The following FLI1 variants were observed in gnomAD, a reference collection of about 807,000 sequenced individuals.
FLI1 encodes Friend leukemia integration 1 transcription factor.
A neutral mutation model predicts 53.1 loss-of-function variants in FLI1; 13 were observed. The observed-to-expected ratio is 0.24, with a 90% CI of 0.16 to 0.39. FLI1 has a LOEUF of 0.39. Ranked by LOEUF, FLI1 falls within the 10% of genes least tolerant of loss-of-function variation. The pLI, the probability that FLI1 is intolerant of heterozygous loss-of-function variation, is 1.00. For synonymous variants in FLI1, 244 were observed against 236.7 expected (o/e 1.03, Z -0.28); for missense variants, 424 against 600.5 (o/e 0.71, Z 3.07).
chr11:128,809,096 T>G (rs2135922250), intron 7 of FLI1, 61 bp from the exon 8 acceptor site: 1 of 1,330,442 alleles, frequency 7.5e-7, no homozygotes, highest in African/African-American at 1.5e-5. Flanking sequence ...TTTCTTATGG[T>G]TGGTACGGTT....
At chr11:128,709,982 A>C (rs758871898) in intron 1 of FLI1, among the ~76,000 whole-genome samples, 7 of 152,250 alleles carry the variant, frequency 4.6e-5, no homozygotes, top group Non-Finnish European at 1.5e-5. Flanking sequence ...GAGTGAAGGG[A>C]CAACAGAACA....
chr11:128,748,034 AT>A (rs1940477914), intron 1 of FLI1, among the ~76,000 whole-genome samples: 1 of 152,162 alleles, frequency 6.6e-6, no homozygotes, highest in Non-Finnish European at 1.5e-5. Flanking sequence ...GCAAAGGTAA[AT>A]ACCACGGGAG....
chr11:128,755,440 A>G (rs1194904262), intron 1 of FLI1, among the ~76,000 whole-genome samples: 1 of 152,228 alleles, frequency 6.6e-6, no homozygotes, highest in Non-Finnish European at 1.5e-5. Flanking sequence ...TATCACCAAA[A>G]GACACTTAGG....
At chr11:128,754,908 C>T (rs1461572491) in intron 1 of FLI1, among the ~76,000 whole-genome samples, 1 of 152,238 alleles carries the variant, frequency 6.6e-6, no homozygotes, top group East Asian at 1.9e-4. Flanking sequence ...GAACTACATT[C>T]TTAAGGAAAC....
intron 1 of FLI1, among the ~76,000 whole-genome samples, chr11:128,702,955 T>C (rs981981492): frequency 2.0e-5 from 3 of 150,252 alleles, no homozygotes; most frequent in African/African-American, 7.3e-5. Flanking sequence ...ACATAAAGCA[T>C]AAATGTCCTA....
chr11:128,727,395 A>G (rs993875716), intron 1 of FLI1, among the ~76,000 whole-genome samples: 3 of 152,176 alleles, frequency 2.0e-5, no homozygotes, highest in Non-Finnish European at 4.4e-5. Flanking sequence ...ATAGCAAGCC[A>G]CTTTAAGTCC....
intron 5 of FLI1, among the ~76,000 whole-genome samples, chr11:128,796,418 A>C (rs1942446150): frequency 6.6e-6 from 1 of 152,192 alleles, no homozygotes. Flanking sequence ...ATTTCTATTA[A>C]AATTCTTACA....
intron 5 of FLI1, among the ~76,000 whole-genome samples, chr11:128,803,116 A>G (rs2135910854): frequency 7.6e-6 from 1 of 131,478 alleles, no homozygotes; most frequent in Non-Finnish European, 1.6e-5. Flanking sequence ...AGTTCAGATG[A>G]CATGTACGAT....
chr11:128,735,888 G>T (rs995346571), intron 1 of FLI1, among the ~76,000 whole-genome samples: 1 of 152,214 alleles, frequency 6.6e-6, no homozygotes, highest in Admixed American at 6.5e-5. Flanking sequence ...CTGATAAATT[G>T]TTTAACTTTG....
chr11:128,734,132 G>C (rs1373803296), intron 1 of FLI1, among the ~76,000 whole-genome samples: 2 of 152,228 alleles, frequency 1.3e-5, no homozygotes, highest in South Asian at 2.1e-4. Flanking sequence ...CCAAAGATTT[G>C]ACTTGGTTAA....
intron 5 of FLI1, among the ~76,000 whole-genome samples, chr11:128,794,216 G>T (rs568773079): frequency 8.5e-4 from 129 of 152,162 alleles, no homozygotes; most frequent in Non-Finnish European, 1.7e-3. Context: ...GAAGTTAAAA[G>T]TGATCCCCGT....
intron 1 of FLI1, among the ~76,000 whole-genome samples, chr11:128,714,860 C>A (rs1857248669): frequency 6.6e-6 from 1 of 151,496 alleles, no homozygotes; most frequent in Non-Finnish European, 1.5e-5. Context: ...AGGCACGCAC[C>A]ACCACGCCCA....
intron 1 of FLI1, among the ~76,000 whole-genome samples, chr11:128,736,112 A>G (rs899904650): frequency 6.6e-6 from 1 of 152,136 alleles, no homozygotes; most frequent in Non-Finnish European, 1.5e-5. Context: ...CACACCCACT[A>G]AACAGGAAAT....
chr11:128,764,013 C>T (rs565283075), intron 2 of FLI1, among the ~76,000 whole-genome samples: 1 of 152,334 alleles, frequency 6.6e-6, no homozygotes, highest in South Asian at 2.1e-4. Context: ...GGTCCTAATG[C>T]AGCCATGTGA....
At chr11:128,713,146 T>C (rs1335811638) in intron 1 of FLI1, among the ~76,000 whole-genome samples, 4 of 152,232 alleles carry the variant, frequency 2.6e-5, no homozygotes, top group African/African-American at 9.6e-5. Flanking sequence ...AATGAGGCCA[T>C]GTTCCTAGAG....
chr11:128,768,296 G>C (rs371579806), intron 3 of FLI1, 24 bp downstream of exon 3: 16 of 1,597,484 alleles, frequency 1.0e-5, no homozygotes, highest in Non-Finnish European at 1.3e-5. Context: ...CAGGCTGCCT[G>C]GGCGCCATTC....
intron 1 of FLI1, among the ~76,000 whole-genome samples, chr11:128,703,913 A>G (rs1315378450): frequency 1.3e-5 from 2 of 149,130 alleles, no homozygotes; most frequent in East Asian, 2.0e-4. Context: ...GTGAATGGGC[A>G]CCAAGATTTT....
chr11:128,741,798 C>T (rs1940149774), intron 1 of FLI1, among the ~76,000 whole-genome samples: 1 of 152,178 alleles, frequency 6.6e-6, no homozygotes, highest in Admixed American at 6.5e-5. Context: ...AGTTGCACCA[C>T]CTCTTTACTT....
At chr11:128,736,329 G>A (rs769928676) in intron 1 of FLI1, among the ~76,000 whole-genome samples, 1 of 152,192 alleles carries the variant, frequency 6.6e-6, no homozygotes, top group African/African-American at 2.4e-5. Flanking sequence ...AATGAAAGGG[G>A]TGATACGAGT....
Sources: gnomAD v4.1 joint callset for allele counts (sites outside exome capture counted in the v4.1 genomes callset) on GRCh38, gnomAD v4.1.1 for gene constraint, MANE v1.5 for transcripts, NCBI Gene and HGNC (gene_info 2026-07-23, HGNC 2026-07-21) for gene names.